SLC39A10: variants seen among roughly 807,000 people sequenced by gnomAD.
The protein encoded by SLC39A10 is zinc transporter ZIP10.
SLC39A10 carries 13 observed loss-of-function variants against 65.1 expected under a neutral mutation model. The ratio of observed to expected loss-of-function variants is 0.20; its 90% CI spans 0.13 to 0.32. The LOEUF (loss-of-function observed/expected upper bound fraction) is 0.32. Ranked by LOEUF, SLC39A10 falls within the 10% of genes least tolerant of loss-of-function variation. The pLI, the probability that SLC39A10 is intolerant of heterozygous loss-of-function variation, is 1.00. For missense variants in SLC39A10, 831 were observed against 1,018.4 expected (o/e 0.82, Z 2.50); for synonymous variants, 321 against 342.2 (o/e 0.94, Z 0.68).
chr2:195,668,601 G>C (rs1212401947), intron 1 of SLC39A10, among the ~76,000 whole-genome samples: 1 of 152,202 alleles, frequency 6.6e-6, no homozygotes, highest in Non-Finnish European at 1.5e-5. Flanking sequence ...ATGAAAGAAA[G>C]AATTGCGATA....
intron 1 of SLC39A10, among the ~76,000 whole-genome samples, chr2:195,665,399 A>C (rs1033408671): frequency 1.3e-5 from 2 of 152,216 alleles, no homozygotes; most frequent in Non-Finnish European, 2.9e-5. Flanking sequence ...TCAGCCCAGG[A>C]ATTTGAGACT....
intron 2 of SLC39A10, among the ~76,000 whole-genome samples, chr2:195,649,629 T>A (rs1174194225): frequency 6.6e-6 from 1 of 152,260 alleles, no homozygotes; most frequent in Non-Finnish European, 1.5e-5. Flanking sequence ...TTAATTCATT[T>A]CCATGTTGAC....
intron 9 of SLC39A10, among the ~76,000 whole-genome samples, chr2:195,731,096 T>C (rs1472213974): frequency 2.6e-5 from 4 of 152,204 alleles, no homozygotes; most frequent in Non-Finnish European, 4.4e-5. Flanking sequence ...ATCATCACAT[T>C]TGTATGCTTC....
At chr2:195,668,691 G>T (rs539118735) in intron 1 of SLC39A10, among the ~76,000 whole-genome samples, 12 of 152,206 alleles carry the variant, frequency 7.9e-5, no homozygotes, top group Admixed American at 3.9e-4. Context: ...AGAGGTTTTT[G>T]TTGTTGTTGT....
chr2:195,664,606 G>C (rs937877168), intron 1 of SLC39A10, among the ~76,000 whole-genome samples: 3 of 151,982 alleles, frequency 2.0e-5, no homozygotes, highest in African/African-American at 7.2e-5. Flanking sequence ...AAAATATTGA[G>C]ACATCAGGAA....
chr2:195,649,253 A>G (rs998529920), intron 2 of SLC39A10, among the ~76,000 whole-genome samples: 2 of 152,270 alleles, frequency 1.3e-5, no homozygotes, highest in African/African-American at 4.8e-5. Flanking sequence ...TACAAAATAT[A>G]ATCCAAGCTT....
chr2:195,683,835 A>G lies in SLC39A10; in HGVS notation c.1145A>G (p.Lys382Arg), dbSNP rs766462410. Residue 382 changes from lysine (K) to arginine (R), a missense_variant, in exon 3 of 10, where the codon AAA becomes AGA. By Grantham distance (26) the Lys-to-Arg change is conservative (BLOSUM62 2). Transcript: ENST00000359634. The stretch of plus-strand genomic sequence containing the variant: ...AGACTTTGTATTGAGCATTTTGACA[A>G]ACTTTTAGTTGAAGATATAAATAAG... Reference protein sequence around the residue: ...DSRLCIEHFDKLLVEDINKDK... With the variant: ...DSRLCIEHFDRLLVEDINKDK... 7 of 1,613,278 alleles carry G rather than the reference A, an allele frequency of 4.3e-6. No individual in the cohort carries two copies. The highest frequency in any genetic ancestry group is 2.2e-5 in the East Asian group (1 of 44,796).
intron 9 of SLC39A10, among the ~76,000 whole-genome samples, chr2:195,730,463 G>A (rs1276299985): frequency 6.6e-6 from 1 of 152,206 alleles, no homozygotes; most frequent in Non-Finnish European, 1.5e-5. Flanking sequence ...CCAAGTAGCT[G>A]CGATGACAGG....
chr2:195,676,624 C>T (rs139268245), intron 1 of SLC39A10, among the ~76,000 whole-genome samples: 1 of 152,154 alleles, frequency 6.6e-6, no homozygotes, highest in East Asian at 1.9e-4. Context: ...TATTGATGCT[C>T]TTTCAGAACT....
In SLC39A10 at chr2:195,684,333, A is replaced by T. The variant is rs780880896; in HGVS notation, c.1216+427A>T. Among the ~76,000 whole-genome samples the T allele has an allele frequency of 2.6e-5, 4 of 152,050 alleles. No homozygotes were observed. The South Asian group carries it at 8.3e-4, about 32-fold the overall frequency. On this transcript the variant is annotated intron_variant, in intron 3 of 9. Coordinates refer to ENST00000359634, the MANE Select transcript of SLC39A10 (RefSeq NM_020342.3). ...TAAAAAGGGAAGCTACTGTGTGTAA[A>T]CTCCAGGAATGTCTGGGAAATGCCT...
In SLC39A10 at chr2:195,713,572, T is replaced by C; in HGVS notation, c.1696+19T>C. ...CTTGCCGGTAGACAGCAATTCTGAC[T>C]CAAGACAAACTTTTTTCTTTTTTTT... On this transcript the variant is annotated intron_variant, in intron 6 of 9. Transcript: ENST00000359634. 1 of 1,546,682 alleles carries C rather than the reference T, an allele frequency of 6.5e-7. No individual in the cohort carries two copies. Among genetic ancestry groups the C allele is most frequent in the Non-Finnish European group, 8.6e-7 (1 of 1,159,884 alleles).
chr2:195,727,056 C>T (rs1173419844), intron 8 of SLC39A10, among the ~76,000 whole-genome samples: 1 of 152,152 alleles, frequency 6.6e-6, no homozygotes, highest in African/African-American at 2.4e-5. Context: ...TTTGTCCTTC[C>T]ACTGACACTT....
At chr2:195,698,528 A>G (rs2105798736) in intron 3 of SLC39A10, among the ~76,000 whole-genome samples, 1 of 152,016 alleles carries the variant, frequency 6.6e-6, no homozygotes, top group South Asian at 2.1e-4. Context: ...TGATCATGAG[A>G]GGATATTGAA....
At chr2:195,615,638 C>T (rs1268371741) in intron 2 of SLC39A10, among the ~76,000 whole-genome samples, 1 of 152,268 alleles carries the variant, frequency 6.6e-6, no homozygotes, top group East Asian at 1.9e-4. Context: ...TCATTTATCT[C>T]CGTTTCCTCT....
At chr2:195,720,041 C>T (rs982754299) in intron 8 of SLC39A10, among the ~76,000 whole-genome samples, 2 of 152,044 alleles carry the variant, frequency 1.3e-5, no homozygotes, top group Admixed American at 6.5e-5. Flanking sequence ...CTGCCTGCCT[C>T]GGCCTCCCAA....
intron 1 of SLC39A10, among the ~76,000 whole-genome samples, chr2:195,669,961 C>T (rs1303844010): frequency 2.0e-5 from 3 of 152,170 alleles, no homozygotes; most frequent in Admixed American, 1.3e-4. Flanking sequence ...GAGATCAAGA[C>T]CATCCTGGCC....
chr2:195,618,909 A>T (rs1251792518), intron 2 of SLC39A10, among the ~76,000 whole-genome samples: 2 of 152,106 alleles, frequency 1.3e-5, no homozygotes, highest in Admixed American at 6.6e-5. Flanking sequence ...CCTGGTCAAC[A>T]TGGTGAAACC....
At chr2:195,703,600 A>G (rs1691280416) in intron 3 of SLC39A10, among the ~76,000 whole-genome samples, 1 of 152,220 alleles carries the variant, frequency 6.6e-6, no homozygotes, top group Non-Finnish European at 1.5e-5. Context: ...TGTTCAAAGT[A>G]ATACAGAGAC....
chr2:195,670,962 CAAATGTT>C (rs1416299158), intron 1 of SLC39A10, among the ~76,000 whole-genome samples: 2 of 152,050 alleles, frequency 1.3e-5, no homozygotes, highest in South Asian at 2.1e-4. Context: ...GAAAAGTACT[CAAATGTT>C]AAGTGTAAAA....
Sources: gnomAD v4.1 joint callset for allele counts (sites outside exome capture counted in the v4.1 genomes callset) on GRCh38, gnomAD v4.1.1 for gene constraint, MANE v1.5 for transcripts, NCBI Gene and HGNC (gene_info 2026-07-23, HGNC 2026-07-21) for gene names.